The following SPRR2B variants were observed in gnomAD, a reference collection of about 807,000 sequenced individuals.
SPRR2B encodes small proline-rich protein 2B.
A neutral mutation model predicts 1.0 loss-of-function variants in SPRR2B; 1 was observed. The ratio of observed to expected loss-of-function variants is 1.01; its 90% CI spans 0.36 to 4.77. The LOEUF is 4.77. Ranked by LOEUF, SPRR2B falls within the 30% of genes most tolerant of loss-of-function variation. SPRR2B has a pLI of 0.16. For missense variants in SPRR2B, 53 were observed against 88.7 expected, an observed-to-expected ratio of 0.60 and a Z score of 1.62; for synonymous variants, 27 against 33.4, an observed-to-expected ratio of 0.81 and a Z score of 0.66.
At chr1:153,072,011 T>G (rs984779577), upstream of SPRR2B, among the ~76,000 whole-genome samples, 8 of 152,306 alleles carry the variant, frequency 5.3e-5, no homozygotes, top group South Asian at 1.7e-3. Flanking sequence ...TAGAAGGACC[T>G]AACAAAGGCC....
chr1:153,073,091 C>G (rs1000379882), upstream of SPRR2B, among the ~76,000 whole-genome samples: 1 of 152,210 alleles, frequency 6.6e-6, no homozygotes, highest in Non-Finnish European at 1.5e-5. Context: ...CATCACACCT[C>G]TCAGTTAAGC....
At chr1:153,074,142 A>G (rs1654730169), upstream of SPRR2B, among the ~76,000 whole-genome samples, 1 of 152,126 alleles carries the variant, frequency 6.6e-6, no homozygotes, top group South Asian at 2.1e-4. Context: ...TTCTATCTCT[A>G]TGATTTCATT....
upstream of SPRR2B, among the ~76,000 whole-genome samples, chr1:153,076,486 A>G (rs77365696): frequency 1.3e-3 from 203 of 152,302 alleles, 6 homozygotes; most frequent in East Asian, 0.038. Context: ...AAAAGTCAAA[A>G]AGGAAAACAA....
At chr1:153,083,462 C>G in the SPRR2B span, among the ~76,000 whole-genome samples, 6 of 152,220 alleles carry the variant, frequency 3.9e-5, no homozygotes, top group Admixed American at 1.3e-4. Context: ...TCCTGTGGCT[C>G]TGGGCAAGAT....
At chr1:153,083,642 C>G in the SPRR2B span, among the ~76,000 whole-genome samples, 2 of 152,144 alleles carry the variant, frequency 1.3e-5, no homozygotes, top group African/African-American at 2.4e-5. Flanking sequence ...CACTACACAC[C>G]AGAACTCGTT....
the SPRR2B span, among the ~76,000 whole-genome samples, chr1:153,084,255 T>C: frequency 1.4e-4 from 22 of 152,224 alleles, no homozygotes; most frequent in Non-Finnish European, 2.8e-4. Flanking sequence ...TGGGTTTTGC[T>C]TTCCTCTCCC....
chr1:153,071,852 T>C (rs1366890970), upstream of SPRR2B, among the ~76,000 whole-genome samples: 2 of 152,202 alleles, frequency 1.3e-5, no homozygotes, highest in East Asian at 3.8e-4. Flanking sequence ...AAGGGCTCTC[T>C]TTCTTGATTG....
upstream of SPRR2B, among the ~76,000 whole-genome samples, chr1:153,072,881 T>C (rs1654698397): frequency 6.6e-6 from 1 of 152,220 alleles, no homozygotes; most frequent in Non-Finnish European, 1.5e-5. Context: ...AAGCATCATA[T>C]ATTAAACACT....
At chr1:153,073,737 T>C (rs1352446462), upstream of SPRR2B, among the ~76,000 whole-genome samples, 1 of 141,018 alleles carries the variant, frequency 7.1e-6, no homozygotes, top group African/African-American at 2.8e-5. Context: ...ACACACAACA[T>C]GAGTCTTTAT....
the SPRR2B span, among the ~76,000 whole-genome samples, chr1:153,079,758 G>C: frequency 2.0e-5 from 3 of 152,052 alleles, no homozygotes; most frequent in East Asian, 1.9e-4. Context: ...TGCTGTTTTG[G>C]TTACTGTAGC....
the SPRR2B span, among the ~76,000 whole-genome samples, chr1:153,084,465 A>G: frequency 2.6e-5 from 4 of 152,230 alleles, no homozygotes; most frequent in South Asian, 8.3e-4. Context: ...TGCACCCCAA[A>G]CAAAAACCCC....
the SPRR2B span, among the ~76,000 whole-genome samples, chr1:153,082,578 T>A: frequency 9.2e-5 from 14 of 152,134 alleles, no homozygotes; most frequent in Non-Finnish European, 1.5e-4. Context: ...TTTTACAAAT[T>A]TGTGGAAATT....
At chr1:153,082,070 T>C in the SPRR2B span, among the ~76,000 whole-genome samples, 1 of 152,172 alleles carries the variant, frequency 6.6e-6, no homozygotes, top group Non-Finnish European at 1.5e-5. Context: ...TTTGATGCAA[T>C]TGGGGTTAAA....
chr1:153,072,150 G>A (rs1426216839), upstream of SPRR2B, among the ~76,000 whole-genome samples: 2 of 152,128 alleles, frequency 1.3e-5, no homozygotes, highest in Non-Finnish European at 2.9e-5. Context: ...GCCATCTGTT[G>A]ACCCTGTTCA....
upstream of SPRR2B, among the ~76,000 whole-genome samples, chr1:153,072,471 A>C (rs568795502): frequency 1.1e-4 from 17 of 152,326 alleles, no homozygotes; most frequent in South Asian, 3.5e-3. Context: ...TTTCCCTGTG[A>C]ACATCCTATA....
chr1:153,071,862 G>T (rs948043860), upstream of SPRR2B, among the ~76,000 whole-genome samples: 1 of 152,142 alleles, frequency 6.6e-6, no homozygotes, highest in Non-Finnish European at 1.5e-5. Context: ...TTTCTTGATT[G>T]GGGGCAATGA....
chr1:153,077,168 C>T, the SPRR2B span, among the ~76,000 whole-genome samples: 1 of 152,112 alleles, frequency 6.6e-6, no homozygotes, highest in Non-Finnish European at 1.5e-5. Flanking sequence ...TCATCAGAAA[C>T]CTTGGAGATC....
chr1:153,079,319 A>G, the SPRR2B span, among the ~76,000 whole-genome samples: 85,928 of 151,814 alleles, frequency 0.57, 25,092 homozygotes, highest in African/African-American at 0.72. Context: ...TAGGTTGCCT[A>G]TTCACTCTGA....
upstream of SPRR2B, among the ~76,000 whole-genome samples, chr1:153,073,080 G>A (rs904546377): frequency 6.6e-6 from 1 of 152,180 alleles, no homozygotes. Context: ...AATCAACCCA[G>A]CATCACACCT....
Sources: allele counts gnomAD v4.1 joint callset (sites outside exome capture counted in the v4.1 genomes callset), GRCh38; gene constraint gnomAD v4.1.1; transcripts MANE v1.5; gene names NCBI Gene and HGNC (gene_info 2026-07-23, HGNC 2026-07-21).